SUGP2: variants seen among roughly 807,000 people sequenced by gnomAD.
SUGP2 encodes the protein SURP and G-patch domain-containing protein 2.
Under a neutral mutation model 90.5 loss-of-function variants are expected in SUGP2, and 24 were observed. The ratio of observed to expected loss-of-function variants is 0.27; its 90% CI spans 0.19 to 0.37. The LOEUF (loss-of-function observed/expected upper bound fraction) is 0.37, where lower values mean the gene tolerates loss of function less well. Ranked by LOEUF, SUGP2 falls within the 10% of genes least tolerant of loss-of-function variation. The probability of loss-of-function intolerance (pLI) is 1.00; values close to 1 mark genes in which losing one functional copy is unlikely to be tolerated. For synonymous variants in SUGP2, 473 were observed against 513.4 expected, an observed-to-expected ratio of 0.92 and a Z score of 1.06; for missense variants, 1,233 against 1,363.3, an observed-to-expected ratio of 0.90 and a Z score of 1.51.
chr19:19,018,989 C>T (rs867542516), intron 4 of SUGP2, 120 bp downstream of exon 4: 2 of 1,172,138 alleles, frequency 1.7e-6, no homozygotes, highest in Middle Eastern at 4.6e-4. Context: ...ATGCTCTTCT[C>T]ACTGGAGAAC....
chr19:19,022,914 C>T (rs955232829), intron 3 of SUGP2, among the ~76,000 whole-genome samples: 7 of 152,154 alleles, frequency 4.6e-5, no homozygotes, highest in African/African-American at 1.7e-4. Context: ...GTGAAAACCA[C>T]ATCGTGGGAA....
intron 8 of SUGP2, among the ~76,000 whole-genome samples, chr19:18,996,400 G>C (rs2057587523): frequency 6.6e-6 from 1 of 152,094 alleles, no homozygotes; most frequent in South Asian, 2.1e-4. Flanking sequence ...TCTAAAAAAA[G>C]AAACAAAATA....
chr19:19,024,691 G>A lies in SUGP2; in HGVS notation c.1657C>T (p.Arg553Ter), dbSNP rs528366024. 2 of 1,614,140 alleles carry A rather than the reference G, an allele frequency of 1.2e-6. No homozygotes were observed. Among genetic ancestry groups the A allele is most frequent in the Non-Finnish European group, 1.7e-6 (2 of 1,180,030 alleles). ...QVKKAEPEPM[R>*]EEEKMIPPTK... ...GGAGGAATCATTTTCTCCTCCTCTC[G>A]CATCGGCTCTGGTTCGGCTTTCTTA... The change falls in exon 3 of 11, where the codon CGA becomes TGA. Residue 553 changes from arginine (R) to a stop codon, truncating the protein, a stop_gained. Coordinates refer to ENST00000452918, the MANE Select transcript of SUGP2 (RefSeq NM_001017392.5). LOFTEE classifies it high-confidence loss of function.
chr19:19,022,961 T>A (rs2058784683), intron 3 of SUGP2, among the ~76,000 whole-genome samples: 1 of 152,174 alleles, frequency 6.6e-6, no homozygotes, highest in Non-Finnish European at 1.5e-5. Flanking sequence ...TAAGACAGCA[T>A]GATTACCATG....
chr19:19,017,374 A>G (rs1367127727), intron 4 of SUGP2, among the ~76,000 whole-genome samples: 1 of 152,246 alleles, frequency 6.6e-6, no homozygotes. Context: ...CTAGTGAGAC[A>G]GAAGGTCCTA....
chr19:19,009,671 G>A (rs976608736), intron 5 of SUGP2, among the ~76,000 whole-genome samples, 184 bp downstream of exon 5: 4 of 152,170 alleles, frequency 2.6e-5, no homozygotes, highest in Admixed American at 2.0e-4. Flanking sequence ...TGCAGGACTC[G>A]CATGCAGCTC....
intron 2 of SUGP2, among the ~76,000 whole-genome samples, 187 bp from the exon 3 acceptor site, chr19:19,026,413 C>T (rs1452869362): frequency 2.0e-5 from 3 of 152,176 alleles, no homozygotes; most frequent in Non-Finnish European, 4.4e-5. Flanking sequence ...ACTTAAAAAT[C>T]TGGATCGACT....
chr19:19,004,319 G>T lies in SUGP2; in HGVS notation c.2778C>A (p.Gly926=). The T allele has an allele frequency of 6.2e-7, 1 of 1,613,412 alleles. No individual in the cohort carries two copies. The highest frequency in any genetic ancestry group is 8.5e-7 in the Non-Finnish European group (1 of 1,179,574). Residue 926 remains glycine, a synonymous_variant, in exon 7 of 11, where the codon GGC becomes GGA. Transcript: ENST00000452918. ...CAGCCAGGTCGTCCTCGGCAGCCTC[G>T]CCGGGAAGGCCGTCGGCAGGGGTGC... The part of the protein sequence containing the change: ...EGSTPADGLP[G]EAAEDDLAGA...
chr19:19,009,592 T>C (rs1433273926), intron 5 of SUGP2, among the ~76,000 whole-genome samples: 1 of 152,156 alleles, frequency 6.6e-6, no homozygotes, highest in Non-Finnish European at 1.5e-5. Flanking sequence ...AGCAGGACCC[T>C]GTCGGGGAGC....
chr19:19,030,903 A>G (rs576920274), intron 2 of SUGP2, 48 bp downstream of exon 2: 18 of 1,581,738 alleles, frequency 1.1e-5, no homozygotes, highest in Admixed American at 1.8e-5. Flanking sequence ...TGGCCCTAAG[A>G]TACACCCCTA....
At position 19,004,577 on chromosome 19, in the gene SUGP2, T is replaced by C. The variant is rs1363884565; in HGVS notation, c.2520A>G (p.Ser840=). ...TGTGCGGAGATGACGTGAAACAAAT[T>C]GATGGACATAGTTCAAACACTTTCT... ...YRKKVFELCP[S]ICFTSSPHNL... Residue 840 remains serine (S), a synonymous_variant, in exon 7 of 11, where the codon TCA becomes TCG. Coordinates refer to ENST00000452918, the MANE Select transcript of SUGP2 (RefSeq NM_001017392.5). 2 of 1,614,070 alleles carry C rather than the reference T, an allele frequency of 1.2e-6. No individual in the cohort carries two copies. The highest frequency in any genetic ancestry group is 1.7e-6 in the Non-Finnish European group (2 of 1,180,044).
intron 1 of SUGP2, 106 bp from the exon 2 acceptor site, chr19:19,031,188 A>C (rs552583404): frequency 8.1e-7 from 1 of 1,229,454 alleles, no homozygotes; most frequent in Admixed American, 2.3e-5. Context: ...TGGGCGGATC[A>C]CCTGAGCTCA....
rs897822712 is a variant in SUGP2, at chr19:18,996,513, T to C, written c.2992-1233A>G. On this transcript the variant is annotated intron_variant, in intron 8 of 10. Transcript: ENST00000452918. ...TGATCCTCCCACCTCAGTCTCCCCA[T>C]TAACTGGAACTATAGGTATGTGCCA... Among the ~76,000 whole-genome samples the C allele has an allele frequency of 3.3e-5, 5 of 152,170 alleles. No homozygotes were observed. The East Asian group carries it at 9.7e-4, about 29-fold the overall frequency.
In SUGP2 at chr19:19,030,878, GT is replaced by G. The variant is rs1363592333; in HGVS notation, c.121+72del. 4 of 1,491,488 alleles carry G rather than the reference GT, an allele frequency of 2.7e-6. No homozygotes were observed. The East Asian group carries it at 9.2e-5, about 34-fold the overall frequency. The allele number at this position is 1,491,488 out of a possible 1,614,324, so 92.4% of individuals were successfully genotyped here. A position where few individuals can be genotyped will look rare whatever the true frequency, so the allele number is the denominator to read the frequency against. Reference sequence around the variant, plus strand: ...ACTGGTATTATTTGCCCAAGGTATTGTAATCTTCCTGCCTTGGCCCTAAGAT... The same window carrying G: ...ACTGGTATTATTTGCCCAAGGTATTGAATCTTCCTGCCTTGGCCCTAAGAT... On this transcript the variant is annotated intron_variant, in intron 2 of 10. Coordinates refer to ENST00000452918, the MANE Select transcript of SUGP2 (RefSeq NM_001017392.5).
intron 5 of SUGP2, 132 bp from the exon 6 acceptor site, chr19:19,008,560 A>G (rs2058178174): frequency 1.4e-6 from 1 of 730,128 alleles, no homozygotes; most frequent in Non-Finnish European, 2.4e-6. Context: ...CCTTCGTCAC[A>G]TGTGGACCCT....
chr19:19,020,182 C>T (rs2058668517), intron 3 of SUGP2, among the ~76,000 whole-genome samples: 1 of 151,870 alleles, frequency 6.6e-6, no homozygotes, highest in South Asian at 2.1e-4. Flanking sequence ...GTAATCCCAG[C>T]ACTTTGGAAG....
At chr19:19,031,156 C>A in intron 1 of SUGP2, 74 bp from the exon 2 acceptor site, 1 of 1,522,282 alleles carries the variant, frequency 6.6e-7, no homozygotes, top group Non-Finnish European at 8.8e-7. Flanking sequence ...ACCTGTAATC[C>A]TGGCACTTTG....
intron 3 of SUGP2, among the ~76,000 whole-genome samples, chr19:19,022,616 A>G (rs1303164893): frequency 6.6e-6 from 1 of 152,210 alleles, no homozygotes; most frequent in African/African-American, 2.4e-5. Context: ...CAGGGGGAAC[A>G]TCAAAGACTG....
At chr19:18,996,643 C>G (rs994084662) in intron 8 of SUGP2, among the ~76,000 whole-genome samples, 1 of 152,136 alleles carries the variant, frequency 6.6e-6, no homozygotes, top group Non-Finnish European at 1.5e-5. Flanking sequence ...ACCTCCGCCT[C>G]CTGGGTTCAA....
Sources: allele counts gnomAD v4.1 joint callset (sites outside exome capture counted in the v4.1 genomes callset), GRCh38; gene constraint gnomAD v4.1.1; transcripts MANE v1.5; gene names NCBI Gene and HGNC (gene_info 2026-07-23, HGNC 2026-07-21).